Variants in DTNA observed in about 807,000 individuals in gnomAD.
DTNA encodes the protein dystrobrevin alpha, also known as dystrophin-related protein 3.
Under a neutral mutation model 100.7 loss-of-function variants are expected in DTNA, and 43 were observed. That is an observed-to-expected ratio of 0.43 (90% CI 0.33 to 0.55). The LOEUF (loss-of-function observed/expected upper bound fraction) is 0.55, where lower values mean the gene tolerates loss of function less well. Ranked by LOEUF, DTNA falls within the 20% of genes least tolerant of loss-of-function variation. The pLI is 0.04. For synonymous variants in DTNA, 349 were observed against 347.9 expected (o/e 1.00, Z -0.04); for missense variants, 798 against 953.9 (o/e 0.84, Z 2.15).
intron 1 of DTNA, among the ~76,000 whole-genome samples, chr18:34,704,071 C>T (rs2081780562): frequency 6.6e-6 from 1 of 152,152 alleles, no homozygotes; most frequent in Admixed American, 6.6e-5. Flanking sequence ...TTTATTTTCT[C>T]ATATTCTTTT....
At chr18:34,508,230 G>A (rs1431717929) in intron 1 of DTNA, among the ~76,000 whole-genome samples, 1 of 152,130 alleles carries the variant, frequency 6.6e-6, no homozygotes, top group Non-Finnish European at 1.5e-5. Context: ...CCCATCATTA[G>A]GTATTTGGAG....
At chr18:34,803,647 T>C (rs748959473) in intron 4 of DTNA, among the ~76,000 whole-genome samples, 3 of 152,234 alleles carry the variant, frequency 2.0e-5, no homozygotes, top group Non-Finnish European at 2.9e-5. Context: ...TTGTAGACTT[T>C]ACTGTTGTCA....
chr18:34,745,917 A>G (rs186509155), intron 1 of DTNA, among the ~76,000 whole-genome samples: 250 of 152,320 alleles, frequency 1.6e-3, no homozygotes, highest in African/African-American at 5.9e-3. Flanking sequence ...TCTTTAAAAT[A>G]TAGACAGGGC....
At chr18:34,502,104 T>C (rs2144631034) in intron 1 of DTNA, among the ~76,000 whole-genome samples, 1 of 152,358 alleles carries the variant, frequency 6.6e-6, no homozygotes, top group South Asian at 2.1e-4. Context: ...TACTGTAGTT[T>C]AAGTTGATTC....
chr18:34,633,771 T>C (rs1188105087), intron 1 of DTNA, among the ~76,000 whole-genome samples: 1 of 152,186 alleles, frequency 6.6e-6, no homozygotes, highest in Non-Finnish European at 1.5e-5. Flanking sequence ...TGAAGGACTG[T>C]AGAGTAGTGA....
chr18:34,662,107 A>C (rs1333476305), intron 1 of DTNA, among the ~76,000 whole-genome samples: 1 of 150,376 alleles, frequency 6.6e-6, no homozygotes, highest in Non-Finnish European at 1.5e-5. Context: ...TCAAGCTTGC[A>C]TCATTTTGTT....
At chr18:34,609,719 A>G (rs1291637088) in intron 1 of DTNA, among the ~76,000 whole-genome samples, 2 of 151,902 alleles carry the variant, frequency 1.3e-5, no homozygotes, top group African/African-American at 4.8e-5. Context: ...TTCCTTGTCT[A>G]CTTGCCTGTG....
chr18:34,836,323 G>A (rs1305638617), intron 11 of DTNA, among the ~76,000 whole-genome samples: 1 of 152,230 alleles, frequency 6.6e-6, no homozygotes, highest in African/African-American at 2.4e-5. Flanking sequence ...CATCAGGAAA[G>A]TAAATTATCC....
chr18:34,498,503 T>G (rs927983476), intron 1 of DTNA, among the ~76,000 whole-genome samples: 1 of 150,480 alleles, frequency 6.6e-6, no homozygotes, highest in Non-Finnish European at 1.5e-5. Flanking sequence ...TAAAAATGAT[T>G]TATTCCTCAA....
At position 34,829,481 on chromosome 18, in the gene DTNA, C is replaced by T. The variant is rs1024046661; in HGVS notation, c.1167C>T (p.His389=). The T allele has an allele frequency of 8.3e-5, 126 of 1,520,340 alleles. No homozygotes were observed. Among genetic ancestry groups the T allele is most frequent in the Admixed American group, 3.8e-4 (19 of 50,430 alleles). 94.2% of individuals were successfully genotyped at this position (1,520,340 alleles called of 1,614,324 possible). The part of the protein sequence containing the change: ...LIKLYVNQLD[H]GARSPPKDSE... ...AGCTGTACGTAAATCAGCTTGATCACGGTGCACGGTCAGTATCCCAGCCCT... is the reference window on the plus strand; with the variant it reads ...AGCTGTACGTAAATCAGCTTGATCATGGTGCACGGTCAGTATCCCAGCCCT... Residue 389 remains histidine (H), a synonymous_variant, in exon 11 of 23, where the codon CAC becomes CAT. Transcript: ENST00000444659.
At chr18:34,554,857 C>A (rs2045856967) in intron 1 of DTNA, among the ~76,000 whole-genome samples, 1 of 150,590 alleles carries the variant, frequency 6.6e-6, no homozygotes, top group African/African-American at 2.5e-5. Context: ...GTGTCTCTGC[C>A]CGGCTTTGGT....
At chr18:34,555,903 G>T (rs1380590175) in intron 1 of DTNA, among the ~76,000 whole-genome samples, 1 of 152,044 alleles carries the variant, frequency 6.6e-6, no homozygotes, top group Non-Finnish European at 1.5e-5. Context: ...GTGCAGAGCT[G>T]AGTTCAATTC....
intron 1 of DTNA, among the ~76,000 whole-genome samples, chr18:34,564,827 G>A (rs1379353834): frequency 6.6e-6 from 1 of 152,146 alleles, no homozygotes; most frequent in Non-Finnish European, 1.5e-5. Context: ...CCATAGACAG[G>A]GTTAATTGGA....
intron 1 of DTNA, among the ~76,000 whole-genome samples, chr18:34,655,716 C>T (rs900118721): frequency 5.3e-5 from 8 of 152,226 alleles, no homozygotes; most frequent in Admixed American, 2.0e-4. Flanking sequence ...CAGTAATATT[C>T]CTGGGAGCTG....
intron 1 of DTNA, among the ~76,000 whole-genome samples, chr18:34,522,928 A>C (rs2042282820): frequency 6.6e-6 from 1 of 152,240 alleles, no homozygotes; most frequent in Non-Finnish European, 1.5e-5. Context: ...TTTCATTTAC[A>C]GGAGACAAAT....
At chr18:34,609,015 A>G (rs2053678331) in intron 1 of DTNA, among the ~76,000 whole-genome samples, 1 of 152,338 alleles carries the variant, frequency 6.6e-6, no homozygotes, top group Admixed American at 6.5e-5. Context: ...CAAGTTTACC[A>G]TAAAGCATGG....
chr18:34,572,807 A>T (rs2146458952), intron 1 of DTNA, among the ~76,000 whole-genome samples: 1 of 152,298 alleles, frequency 6.6e-6, no homozygotes, highest in South Asian at 2.1e-4. Context: ...GATTCAAGGA[A>T]ATACAGCTAG....
chr18:34,724,928 CAG>C (rs1290686511), intron 1 of DTNA, among the ~76,000 whole-genome samples: 5 of 152,144 alleles, frequency 3.3e-5, no homozygotes, highest in African/African-American at 1.2e-4. Flanking sequence ...AATAACACCT[CAG>C]AAATAATACC....
chr18:34,781,188 C>T (rs1349914982), intron 3 of DTNA, among the ~76,000 whole-genome samples: 3 of 152,184 alleles, frequency 2.0e-5, no homozygotes, highest in East Asian at 3.9e-4. Flanking sequence ...TGAAATATCA[C>T]TCACTTGATT....
Sources: gnomAD v4.1 joint callset for allele counts (sites outside exome capture counted in the v4.1 genomes callset) on GRCh38, gnomAD v4.1.1 for gene constraint, MANE v1.5 for transcripts, NCBI Gene and HGNC (gene_info 2026-07-23, HGNC 2026-07-21) for gene names.